The following TDRD5 variants were observed in gnomAD, a reference collection of about 807,000 sequenced individuals.
TDRD5 encodes the protein tudor domain containing 5.
A neutral mutation model predicts 120.6 loss-of-function variants in TDRD5; 41 were observed. The ratio of observed to expected loss-of-function variants is 0.34; its 90% CI spans 0.26 to 0.44. The LOEUF (loss-of-function observed/expected upper bound fraction) is 0.44. TDRD5 is among the 20% of genes least tolerant of loss of function. The pLI is 1.00. For missense variants in TDRD5, 1,006 were observed against 1,221.2 expected (o/e 0.82, Z 2.63); for synonymous variants, 430 against 433.7 (o/e 0.99, Z 0.11).
chr1:179,658,947 T>C lies in TDRD5; in HGVS notation c.2323-3157T>C, dbSNP rs1300700696. Among the ~76,000 whole-genome samples the C allele has an allele frequency of 7.2e-5, 11 of 152,220 alleles. No homozygotes were observed. In the East Asian group the frequency reaches 1.5e-3, roughly 21 times the overall value. On this transcript the variant is annotated intron_variant, in intron 14 of 17. Coordinates refer to ENST00000444136, the MANE Select transcript of TDRD5 (RefSeq NM_001199085.3). The stretch of plus-strand genomic sequence containing the variant: ...GCTGCATTTCACAAATTTGAACATA[T>C]TGTATTTTCATTTTCATTCAGTTCA...
At chr1:179,684,006 T>G (rs1377974514) in intron 17 of TDRD5, among the ~76,000 whole-genome samples, 1 of 152,192 alleles carries the variant, frequency 6.6e-6, no homozygotes, top group East Asian at 1.9e-4. Context: ...TTTATTTAAA[T>G]TCTTATTTCT....
intron 11 of TDRD5, among the ~76,000 whole-genome samples, chr1:179,646,470 A>G (rs1489581500): frequency 6.6e-6 from 1 of 151,832 alleles, no homozygotes. Flanking sequence ...AATAAGAGCT[A>G]TCTATGACAA....
chr1:179,615,626 C>G (rs1373660548), intron 4 of TDRD5, among the ~76,000 whole-genome samples: 3 of 152,086 alleles, frequency 2.0e-5, no homozygotes, highest in Admixed American at 6.6e-5. Context: ...GTTGAAATCA[C>G]TGATTACCTC....
intron 4 of TDRD5, among the ~76,000 whole-genome samples, chr1:179,601,572 G>A (rs1675715428): frequency 6.6e-6 from 1 of 152,100 alleles, no homozygotes; most frequent in Admixed American, 6.6e-5. Flanking sequence ...GTCTCATCAA[G>A]GTCACAGCAA....
chr1:179,633,200 A>G (rs1037768222), intron 7 of TDRD5, among the ~76,000 whole-genome samples: 25 of 152,158 alleles, frequency 1.6e-4, no homozygotes, highest in African/African-American at 4.8e-4. Flanking sequence ...TATAATAATA[A>G]TGTACTTAAC....
At chr1:179,640,177 G>A in intron 10 of TDRD5, 126 bp downstream of exon 10, 1 of 1,137,128 alleles carries the variant, frequency 8.8e-7, no homozygotes, top group Admixed American at 2.1e-5. Context: ...CTTCTTCTTA[G>A]TGCATATTTG....
At chr1:179,618,146 A>G (rs767761567) in intron 4 of TDRD5, among the ~76,000 whole-genome samples, 3 of 152,094 alleles carry the variant, frequency 2.0e-5, no homozygotes, top group African/African-American at 4.8e-5. Context: ...CTTTGCTTCT[A>G]TTACAACAGA....
rs181496548 is a variant in TDRD5, at chr1:179,628,606, C to G, written c.973-2161C>G. Among the ~76,000 whole-genome samples the G allele has an allele frequency of 2.8e-4, 42 of 151,660 alleles. 1 individual carries two copies. The East Asian group carries it at 7.2e-3, about 26-fold the overall frequency. On this transcript the variant is annotated intron_variant, in intron 6 of 17. Coordinates refer to ENST00000444136, the MANE Select transcript of TDRD5 (RefSeq NM_001199085.3). ...ACAGACATGAGCCACTTTTCCCAGC[C>G]CATCAGTTTCTTCATTGTTCATAGT...
intron 16 of TDRD5, among the ~76,000 whole-genome samples, chr1:179,666,297 T>C (rs897587856): frequency 6.6e-6 from 1 of 152,210 alleles, no homozygotes; most frequent in African/African-American, 2.4e-5. Context: ...ACCTACCTCA[T>C]TGCTTTAAAC....
chr1:179,618,078 C>A (rs1676651489), intron 4 of TDRD5, among the ~76,000 whole-genome samples: 1 of 152,120 alleles, frequency 6.6e-6, no homozygotes, highest in Admixed American at 6.6e-5. Context: ...ACTCTCTGTA[C>A]CTTCTGACTC....
At chr1:179,603,180 T>C (rs1158292357) in intron 4 of TDRD5, among the ~76,000 whole-genome samples, 2 of 152,158 alleles carry the variant, frequency 1.3e-5, no homozygotes, top group Non-Finnish European at 2.9e-5. Flanking sequence ...CTCCGCTTGG[T>C]CACTTTTGGT....
intron 6 of TDRD5, among the ~76,000 whole-genome samples, chr1:179,627,669 C>T (rs1252976266): frequency 6.6e-6 from 1 of 152,130 alleles, no homozygotes; most frequent in Non-Finnish European, 1.5e-5. Context: ...AGAATTATTT[C>T]AGGCTACAAT....
intron 4 of TDRD5, among the ~76,000 whole-genome samples, chr1:179,602,006 A>T (rs895570195): frequency 6.6e-6 from 1 of 152,204 alleles, no homozygotes; most frequent in African/African-American, 2.4e-5. Context: ...GGGTTTCACC[A>T]TGTTGTCCAG....
chr1:179,597,917 A>G (rs1032629569), intron 4 of TDRD5, among the ~76,000 whole-genome samples: 5 of 152,184 alleles, frequency 3.3e-5, no homozygotes, highest in African/African-American at 1.2e-4. Context: ...ATACTGTACT[A>G]TCTTTATTCC....
At position 179,675,201 on chromosome 1, in the gene TDRD5, C is replaced by CT. The variant is rs548908188; in HGVS notation, c.2860+5799dup. Among the ~76,000 whole-genome samples the CT allele has an allele frequency of 6.7e-4, 101 of 150,646 alleles. No homozygotes were observed. The East Asian group carries it at 0.019, about 28-fold the overall frequency. On this transcript the variant is annotated intron_variant, in intron 17 of 17. Transcript: ENST00000444136. ...GCTATGAACTTTCCTCTAAGCACCA[C>CT]TTCTGCTGTATTCCAGAGGTTTTGA...
intron 11 of TDRD5, among the ~76,000 whole-genome samples, chr1:179,649,329 T>C (rs1039147689): frequency 5.3e-5 from 8 of 152,156 alleles, no homozygotes; most frequent in African/African-American, 1.7e-4. Context: ...TGTATTCTTC[T>C]TATCTCTGCT....
intron 3 of TDRD5, among the ~76,000 whole-genome samples, chr1:179,594,556 C>T (rs1675285260): frequency 6.6e-6 from 1 of 152,260 alleles, no homozygotes; most frequent in African/African-American, 2.4e-5. Context: ...CTATTAAAGG[C>T]TCAAGAGACC....
intron 4 of TDRD5, among the ~76,000 whole-genome samples, chr1:179,609,190 G>T (rs570677228): frequency 1.3e-5 from 2 of 152,200 alleles, no homozygotes; most frequent in Admixed American, 6.5e-5. Flanking sequence ...GGTAGTACAG[G>T]TCAAATATCC....
intron 17 of TDRD5, among the ~76,000 whole-genome samples, chr1:179,686,190 A>G (rs1043126626): frequency 1.1e-4 from 17 of 152,210 alleles, no homozygotes; most frequent in African/African-American, 3.9e-4. Context: ...TATCATAAAT[A>G]GCTCTTATTA....
Sources: gnomAD v4.1 joint callset for allele counts (sites outside exome capture counted in the v4.1 genomes callset) on GRCh38, gnomAD v4.1.1 for gene constraint, MANE v1.5 for transcripts, NCBI Gene and HGNC (gene_info 2026-07-23, HGNC 2026-07-21) for gene names.